Variants in SMIM27 observed in about 807,000 individuals in gnomAD.
The protein encoded by SMIM27 is transition zone microprotein 1, also known as TOPORS antisense RNA 1 (non-protein coding).
Under a neutral mutation model 1.8 loss-of-function variants are expected in SMIM27, and 3 were observed. That is an observed-to-expected ratio of 1.65 (90% confidence interval 0.75 to 4.28). The LOEUF is 4.28. Among genes scored for constraint, SMIM27 ranks in the 30% most tolerant of loss-of-function variants. The pLI is 0.02. For missense variants in SMIM27, 63 were observed against 37.0 expected, an observed-to-expected ratio of 1.70 and a Z score of -1.83; for synonymous variants, 19 against 13.9, an observed-to-expected ratio of 1.37 and a Z score of -0.82.
chr9:32,562,197 T>C (rs950984005), intron 1 of SMIM27, among the ~76,000 whole-genome samples: 5 of 152,226 alleles, frequency 3.3e-5, no homozygotes, highest in Non-Finnish European at 5.9e-5. Flanking sequence ...CCGTACTCTT[T>C]CCCAAATTAT....
downstream of SMIM27, chr9:32,553,108 C>G (rs1175544929): frequency 2.0e-6 from 1 of 489,128 alleles, no homozygotes; most frequent in Non-Finnish European, 3.6e-6. Flanking sequence ...AAATTAACAG[C>G]AACCTAAATC....
At chr9:32,557,911 A>C (rs1490521550), downstream of SMIM27, among the ~76,000 whole-genome samples, 1 of 152,148 alleles carries the variant, frequency 6.6e-6, no homozygotes, top group African/African-American at 2.4e-5. Context: ...CAAGAATCAC[A>C]CTTTTGTTAT....
chr9:32,555,095 C>CAAA (rs11391859), downstream of SMIM27, among the ~76,000 whole-genome samples: 1 of 138,542 alleles, frequency 7.2e-6, no homozygotes. Context: ...TGTTCCTGAC[C>CAAA]AAAAAAAAAA....
chr9:32,551,286 A>G, upstream of SMIM27: 1 of 520,104 alleles, frequency 1.9e-6, no homozygotes, highest in Non-Finnish European at 3.5e-6. Context: ...TTTCAACCTT[A>G]CCAAACTCTG....
upstream of SMIM27, chr9:32,551,744 G>A (rs1302997238): frequency 1.2e-5 from 5 of 431,796 alleles, no homozygotes; most frequent in Non-Finnish European, 2.4e-5. Flanking sequence ...TCTCACGCGC[G>A]GCAGTTCAAG....
intron 1 of SMIM27, 75 bp downstream of exon 1, chr9:32,552,554 G>A: frequency 7.3e-7 from 1 of 1,371,298 alleles, no homozygotes; most frequent in South Asian, 1.2e-5. Flanking sequence ...TATTTCTTCA[G>A]CACCCAGAAA....
chr9:32,552,673 G>A lies in SMIM27; in HGVS notation c.46-128G>A, dbSNP rs568280027. On this transcript the variant is annotated intron_variant, in intron 1 of 1. Coordinates refer to ENST00000692500, the MANE Select transcript of SMIM27 (RefSeq NM_001387564.1). The stretch of plus-strand genomic sequence containing the variant: ...TACGTAAGGGCTGCTGGGTGTACCC[G>A]CCACTGGAACCCCATTTATTCGACT... 27 of 655,594 alleles carry A rather than the reference G, an allele frequency of 4.1e-5. No individual in the cohort carries two copies. In the African/African-American group the frequency reaches 4.7e-4, roughly 11 times the overall value. 40.6% of individuals were successfully genotyped at this position (655,594 alleles called of 1,614,324 possible).
chr9:32,557,196 ACT>A (rs1821486264), downstream of SMIM27, among the ~76,000 whole-genome samples: 1 of 104,440 alleles, frequency 9.6e-6, no homozygotes. Flanking sequence ...ACAGAGTCTC[ACT>A]CTGTGACCCA....
chr9:32,563,809 C>T (rs926248755), intron 1 of SMIM27, among the ~76,000 whole-genome samples: 1 of 152,134 alleles, frequency 6.6e-6, no homozygotes, highest in Non-Finnish European at 1.5e-5. Context: ...ATTCAGGTGA[C>T]TATCATCTAT....
downstream of SMIM27, among the ~76,000 whole-genome samples, chr9:32,555,449 C>CCACAGAGG (rs891324622): frequency 1.3e-5 from 2 of 152,144 alleles, no homozygotes; most frequent in African/African-American, 4.8e-5. Context: ...CACATAGCTG[C>CCACAGAGG]CACAGAGGTG....
chr9:32,561,044 G>A (rs770026029), intron 1 of SMIM27, among the ~76,000 whole-genome samples: 11 of 152,146 alleles, frequency 7.2e-5, no homozygotes, highest in Non-Finnish European at 1.2e-4. Flanking sequence ...CATAACAGAT[G>A]TATAATGAAA....
chr9:32,552,877 G>A lies in SMIM27; in HGVS notation c.122G>A (p.Arg41Lys), dbSNP rs1311791517. Residue 41 changes from arginine to lysine, a missense_variant, in exon 2 of 2, where the codon AGG becomes AAG. Physicochemically the swap from Arg to Lys is conservative, Grantham distance 26. Coordinates refer to ENST00000692500, the MANE Select transcript of SMIM27 (RefSeq NM_001387564.1). ...ASMVSARRQL[R>K]KKYPDKIFGT... ...ATGGTGTCTGCAAGACGACAGCTAA[G>A]GAAGAAATACCCAGACAAAATCTTT... The A allele has an allele frequency of 4.3e-6, 3 of 702,526 alleles. No homozygotes were observed. Among genetic ancestry groups the A allele is most frequent in the Admixed American group, 4.0e-5 (2 of 49,948 alleles). The allele number at this position is 702,526 out of a possible 1,614,324, so 43.5% of individuals were successfully genotyped here. A position where few individuals can be genotyped will look rare whatever the true frequency, so the allele number is the denominator to read the frequency against.
chr9:32,557,477 T>A (rs1821498536), downstream of SMIM27, among the ~76,000 whole-genome samples: 1 of 149,926 alleles, frequency 6.7e-6, no homozygotes, highest in Admixed American at 6.6e-5. Context: ...CTACTTTTTT[T>A]TTTCCTTTTT....
downstream of SMIM27, among the ~76,000 whole-genome samples, chr9:32,555,369 A>T (rs1821427988): frequency 6.6e-6 from 1 of 152,268 alleles, no homozygotes; most frequent in African/African-American, 2.4e-5. Context: ...AAACAGAGGG[A>T]CACAGCCCTA....
chr9:32,562,543 C>T (rs1821655535), intron 1 of SMIM27, among the ~76,000 whole-genome samples: 1 of 152,192 alleles, frequency 6.6e-6, no homozygotes, highest in Non-Finnish European at 1.5e-5. Context: ...CAGTCCTTAA[C>T]TTCTGTCTTT....
intron 1 of SMIM27, among the ~76,000 whole-genome samples, chr9:32,558,609 C>T (rs1426681899): frequency 6.6e-6 from 1 of 152,154 alleles, no homozygotes; most frequent in East Asian, 1.9e-4. Flanking sequence ...TGAAACAGGA[C>T]ACAGTGAAAA....
At chr9:32,559,630 T>TAA (rs1343268286) in intron 1 of SMIM27, among the ~76,000 whole-genome samples, 5 of 152,304 alleles carry the variant, frequency 3.3e-5, no homozygotes, top group Admixed American at 2.6e-4. Flanking sequence ...TTCTCCTAAA[T>TAA]ACTGCTTGAC....
chr9:32,553,852 G>A (rs745655886), downstream of SMIM27: 13 of 1,473,164 alleles, frequency 8.8e-6, no homozygotes, highest in East Asian at 2.7e-4. Context: ...AGGCTCATAA[G>A]CCTTTTAACT....
chr9:32,552,462 G>T lies in SMIM27; in HGVS notation c.28G>T (p.Asp10Tyr). 1 of 1,601,962 alleles carries T rather than the reference G, an allele frequency of 6.2e-7. No homozygotes were observed. The highest frequency in any genetic ancestry group is 8.5e-7 in the Non-Finnish European group (1 of 1,174,714). The change falls in exon 1 of 2, where the codon GAC (aspartate) becomes TAC (tyrosine). Residue 10 changes from aspartate (D) to tyrosine (Y), a missense_variant. By Grantham distance (160) the Asp-to-Tyr change is radical (BLOSUM62 -3). Coordinates refer to ENST00000692500, the MANE Select transcript of SMIM27 (RefSeq NM_001387564.1). MKPVSRRTL[D>Y]WIYSVLLLAI... The stretch of plus-strand genomic sequence containing the variant: ...GAAGCCAGTAAGTCGTCGCACGCTG[G>T]ACTGGATTTATTCAGTGGTAAGTCC...
Sources: gnomAD v4.1 joint callset for allele counts (sites outside exome capture counted in the v4.1 genomes callset) on GRCh38, gnomAD v4.1.1 for gene constraint, MANE v1.5 for transcripts, NCBI Gene and HGNC (gene_info 2026-07-23, HGNC 2026-07-21) for gene names.